The following KCNQ5 variants were observed in gnomAD, a reference collection of about 807,000 sequenced individuals.
KCNQ5 encodes potassium voltage-gated channel subfamily KQT member 5.
Under a neutral mutation model 98.2 loss-of-function variants are expected in KCNQ5, and 30 were observed. The ratio of observed to expected loss-of-function variants is 0.31; its 90% CI spans 0.23 to 0.41. The LOEUF is 0.41. Ranked by LOEUF, KCNQ5 falls within the 10% of genes least tolerant of loss-of-function variation. KCNQ5 has a pLI of 1.00. For missense variants in KCNQ5, 835 were observed against 1,182.5 expected (o/e 0.71, Z 4.31); for synonymous variants, 458 against 449.4 (o/e 1.02, Z -0.24).
At chr6:72,836,019 T>G (rs749078899) in intron 1 of KCNQ5, among the ~76,000 whole-genome samples, 38 of 152,210 alleles carry the variant, frequency 2.5e-4, no homozygotes, top group Non-Finnish European at 4.9e-4. Flanking sequence ...ATTAGGGTTT[T>G]GTTTTGTTTT....
chr6:73,061,499 T>C (rs758519397), intron 3 of KCNQ5, among the ~76,000 whole-genome samples: 5 of 152,286 alleles, frequency 3.3e-5, no homozygotes, highest in African/African-American at 1.2e-4. Context: ...TCATATTATG[T>C]ACAGTTGTTC....
intron 1 of KCNQ5, among the ~76,000 whole-genome samples, chr6:72,998,521 G>A (rs1463835860): frequency 6.6e-6 from 1 of 152,026 alleles, no homozygotes; most frequent in Non-Finnish European, 1.5e-5. Flanking sequence ...GGATTATGAG[G>A]TCAGGAGATC....
chr6:72,624,851 A>G (rs2098917267), intron 1 of KCNQ5, among the ~76,000 whole-genome samples: 1 of 152,236 alleles, frequency 6.6e-6, no homozygotes. Context: ...GAAAGAGGCC[A>G]TCTTTGGCAG....
chr6:73,047,993 A>C (rs1384923948), intron 3 of KCNQ5, among the ~76,000 whole-genome samples: 6 of 152,234 alleles, frequency 3.9e-5, no homozygotes, highest in Non-Finnish European at 7.3e-5. Context: ...CTGAACATTT[A>C]TACAATTTCT....
chr6:72,632,587 C>T (rs905597720), intron 1 of KCNQ5, among the ~76,000 whole-genome samples: 1 of 152,118 alleles, frequency 6.6e-6, no homozygotes, highest in Non-Finnish European at 1.5e-5. Flanking sequence ...CTCTTCCTCC[C>T]GCTTCTAGTA....
intron 5 of KCNQ5, among the ~76,000 whole-genome samples, chr6:73,099,700 A>C (rs1333026798): frequency 1.3e-5 from 2 of 152,208 alleles, no homozygotes; most frequent in South Asian, 4.1e-4. Context: ...ATTAGAGCAA[A>C]AGAGAGAGAC....
chr6:72,747,417 C>T (rs561988696), intron 1 of KCNQ5, among the ~76,000 whole-genome samples: 1 of 151,940 alleles, frequency 6.6e-6, no homozygotes, highest in East Asian at 1.9e-4. Flanking sequence ...AAAATAGTTC[C>T]TCGGGCTTCA....
At chr6:72,741,521 TAG>T (rs1360679443) in intron 1 of KCNQ5, among the ~76,000 whole-genome samples, 1 of 152,102 alleles carries the variant, frequency 6.6e-6, no homozygotes, top group African/African-American at 2.4e-5. Flanking sequence ...TGTAGTAGGT[TAG>T]AGAGTTGGAG....
chr6:72,913,925 T>TG (rs1203124132), intron 1 of KCNQ5, among the ~76,000 whole-genome samples: 1 of 152,152 alleles, frequency 6.6e-6, no homozygotes. Flanking sequence ...GGTAACAAAC[T>TG]GGGGGAACTT....
intron 1 of KCNQ5, among the ~76,000 whole-genome samples, chr6:72,818,306 G>A (rs190195069): frequency 4.4e-4 from 67 of 152,090 alleles, no homozygotes; most frequent in South Asian, 2.3e-3. Context: ...ATAACCATAC[G>A]TCTCTGATTT....
intron 1 of KCNQ5, among the ~76,000 whole-genome samples, chr6:72,938,969 C>T (rs1012728380): frequency 3.9e-5 from 6 of 152,104 alleles, no homozygotes; most frequent in African/African-American, 1.4e-4. Flanking sequence ...GAACAGATTT[C>T]GTGCTCTATT....
chr6:72,950,107 T>C (rs998776021), intron 1 of KCNQ5, among the ~76,000 whole-genome samples: 2 of 152,196 alleles, frequency 1.3e-5, no homozygotes, highest in African/African-American at 4.8e-5. Context: ...TCAACAAGGA[T>C]CCTGGAAAGC....
chr6:73,108,171 A>T (rs73753248), intron 6 of KCNQ5, among the ~76,000 whole-genome samples: 2,610 of 152,282 alleles, frequency 0.017, 76 homozygotes, highest in African/African-American at 0.059. Context: ...CAAGCCACCC[A>T]TCCAAAGCGC....
At chr6:72,712,105 T>C (rs1315226288) in intron 1 of KCNQ5, among the ~76,000 whole-genome samples, 4 of 152,206 alleles carry the variant, frequency 2.6e-5, no homozygotes, top group Non-Finnish European at 5.9e-5. Flanking sequence ...AGTGCTGGTA[T>C]ACAGGAGGTA....
intron 1 of KCNQ5, among the ~76,000 whole-genome samples, chr6:72,943,376 C>T (rs143943246): frequency 3.3e-5 from 5 of 152,292 alleles, no homozygotes; most frequent in African/African-American, 1.2e-4. Flanking sequence ...TAGTTACTAA[C>T]AATTTTTGAA....
At chr6:73,125,612 T>G (rs969578458) in intron 9 of KCNQ5, 1 of 225,602 alleles carries the variant, frequency 4.4e-6, no homozygotes, top group Non-Finnish European at 8.6e-6. Context: ...AATATATTTA[T>G]GCAATACTGA....
chr6:73,184,510 G>A lies in KCNQ5; in HGVS notation c.1578-6063G>A, dbSNP rs1778501599. On this transcript the variant is annotated intron_variant, in intron 11 of 13. Coordinates refer to ENST00000370398, the MANE Select transcript of KCNQ5 (RefSeq NM_019842.4). Reference sequence around the variant, plus strand: ...CAGAACACAAACATCTTTGAACTATGGAATAGCAAATCCTCATTTATTTCT... The same window carrying A: ...CAGAACACAAACATCTTTGAACTATAGAATAGCAAATCCTCATTTATTTCT... 2.0e-5 allele frequency among the ~76,000 whole-genome samples: 3 copies of A among 152,252 alleles called. No homozygotes were observed. In the South Asian group the frequency reaches 6.2e-4, roughly 32 times the overall value.
intron 3 of KCNQ5, among the ~76,000 whole-genome samples, chr6:73,074,633 GT>G (rs1290335953): frequency 4.0e-5 from 6 of 151,764 alleles, no homozygotes; most frequent in East Asian, 1.9e-4. Context: ...CGATAGCTGA[GT>G]TTTTTTAAAA....
At chr6:72,854,164 A>G (rs1025370364) in intron 1 of KCNQ5, among the ~76,000 whole-genome samples, 8 of 152,234 alleles carry the variant, frequency 5.3e-5, no homozygotes, top group African/African-American at 1.9e-4. Flanking sequence ...CTCTGAAAAT[A>G]TAATGCAGAT....
Sources: allele counts gnomAD v4.1 joint callset (sites outside exome capture counted in the v4.1 genomes callset), GRCh38; gene constraint gnomAD v4.1.1; transcripts MANE v1.5; gene names NCBI Gene and HGNC (gene_info 2026-07-23, HGNC 2026-07-21).